The following HDDC2 variants were observed in gnomAD, a reference collection of about 807,000 sequenced individuals.
The protein encoded by HDDC2 is HD domain containing 2.
A neutral mutation model predicts 25.5 loss-of-function variants in HDDC2; 25 were observed. The ratio of observed to expected loss-of-function variants is 0.98; its 90% CI spans 0.72 to 1.37. The LOEUF (loss-of-function observed/expected upper bound fraction) is 1.37, where lower values mean the gene tolerates loss of function less well. Among genes scored for constraint, HDDC2 ranks in the 40% most tolerant of loss-of-function variants. HDDC2 has a pLI of 0.00. For missense variants in HDDC2, 264 were observed against 253.1 expected (o/e 1.04, Z -0.29); for synonymous variants, 106 against 89.7 (o/e 1.18, Z -1.03).
chr6:125,293,015 G>C, intron 3 of HDDC2, 106 bp from the exon 4 acceptor site: 1 of 878,406 alleles, frequency 1.1e-6, no homozygotes, highest in Non-Finnish European at 1.9e-6. Flanking sequence ...ACTCTCACAG[G>C]GGCAGCAGAG....
At chr6:125,299,072 A>C (rs756996451) in intron 2 of HDDC2, among the ~76,000 whole-genome samples, 1 of 152,112 alleles carries the variant, frequency 6.6e-6, no homozygotes, top group Non-Finnish European at 1.5e-5. Flanking sequence ...TAAATGGTTT[A>C]TCTCTGAAAT....
intron 3 of HDDC2, among the ~76,000 whole-genome samples, chr6:125,295,937 C>G (rs1049008784): frequency 3.9e-5 from 6 of 152,204 alleles, no homozygotes; most frequent in Admixed American, 3.9e-4. Flanking sequence ...AGGAATGAGG[C>G]CAGACTACAA....
rs1201084699 is a variant in HDDC2, at chr6:125,301,947, C to T, written c.-15G>A. On this transcript the variant is annotated 5_prime_UTR_variant, in exon 1 of 6. Transcript: ENST00000398153. ...ACCGAAGCCATGCGGCCACCGACCC[C>T]GGCTGGGCGGAGCAGGCCGCGGCGA... 2.6e-6 allele frequency: 4 copies of T among 1,544,356 alleles called. No homozygotes were observed. Among genetic ancestry groups the T allele is most frequent in the Non-Finnish European group, 3.5e-6 (4 of 1,146,582 alleles).
intron 4 of HDDC2, among the ~76,000 whole-genome samples, chr6:125,290,364 CAG>C (rs1207477807): frequency 6.6e-6 from 1 of 152,140 alleles, no homozygotes; most frequent in Non-Finnish European, 1.5e-5. Flanking sequence ...AGCTAGTAAA[CAG>C]GGGAGCCACT....
chr6:125,300,792 G>T, intron 1 of HDDC2, 133 bp from the exon 2 acceptor site: 2 of 790,542 alleles, frequency 2.5e-6, no homozygotes, highest in Non-Finnish European at 3.9e-6. Context: ...AAAATGTTTT[G>T]CTAAACTAGC....
chr6:125,279,641 ATT>A (rs1295836197), intron 4 of HDDC2, among the ~76,000 whole-genome samples: 1 of 152,210 alleles, frequency 6.6e-6, no homozygotes, highest in African/African-American at 2.4e-5. Context: ...GCCATAAACA[ATT>A]TGTCAATTTA....
At chr6:125,300,357 T>G in intron 2 of HDDC2, 181 bp downstream of exon 2, 1 of 661,562 alleles carries the variant, frequency 1.5e-6, no homozygotes, top group Non-Finnish European at 2.4e-6. Context: ...AACCCCAGAT[T>G]GCAGTTTACA....
At chr6:125,276,404 G>A in intron 5 of HDDC2, 161 bp from the exon 6 acceptor site, 1 of 606,756 alleles carries the variant, frequency 1.6e-6, no homozygotes. Context: ...GGAAGGGGCT[G>A]AAGGGGACCA....
At chr6:125,288,340 C>A (rs992755687) in intron 4 of HDDC2, among the ~76,000 whole-genome samples, 1 of 152,044 alleles carries the variant, frequency 6.6e-6, no homozygotes, top group Non-Finnish European at 1.5e-5. Flanking sequence ...AGCCCTGAGG[C>A]TCTGCAGAGC....
At chr6:125,280,038 T>C (rs6917597) in intron 4 of HDDC2, among the ~76,000 whole-genome samples, 32,884 of 152,062 alleles carry the variant, frequency 0.22, 4,327 homozygotes, top group African/African-American at 0.37. Flanking sequence ...AACTGGGGTA[T>C]CCGGTTCATC....
Position 125,298,711 on chromosome 6 carries a change from G to C in HDDC2, c.309+3C>G, listed in dbSNP as rs759719154. 1.2e-6 allele frequency: 2 copies of C among 1,610,512 alleles called. No individual in the cohort carries two copies. The highest frequency in any genetic ancestry group is 2.2e-5 in the South Asian group (2 of 90,990). On this transcript the variant is annotated splice_donor_region_variant and intron_variant, in intron 3 of 5. Transcript: ENST00000398153. ...TTTTGCACAGTCAATAGTCAACACTGACCTCTTCTCGCCTATGTTTTTCTT... is the reference window on the plus strand; with the variant it reads ...TTTTGCACAGTCAATAGTCAACACTCACCTCTTCTCGCCTATGTTTTTCTT...
chr6:125,277,288 G>C (rs768522136), intron 4 of HDDC2, 48 bp from the exon 5 acceptor site: 2 of 1,580,728 alleles, frequency 1.3e-6, no homozygotes, highest in South Asian at 2.3e-5. Context: ...TGCATAATAG[G>C]GTATCCTGGG....
At chr6:125,276,264 G>GA (rs765597064) in intron 5 of HDDC2, 21 bp from the exon 6 acceptor site, 9 of 1,544,088 alleles carry the variant, frequency 5.8e-6, no homozygotes, top group Non-Finnish European at 3.6e-6. Context: ...AAAGAACAGG[G>GA]AAAAATACAT....
chr6:125,276,295 A>G, intron 5 of HDDC2, 52 bp from the exon 6 acceptor site: 1 of 1,339,810 alleles, frequency 7.5e-7, no homozygotes, highest in Non-Finnish European at 1.1e-6. Flanking sequence ...ACAAGAGAGT[A>G]TATTCATTTC....
At chr6:125,276,976 T>G in intron 5 of HDDC2, 126 bp downstream of exon 5, 1 of 909,512 alleles carries the variant, frequency 1.1e-6, no homozygotes, top group Non-Finnish European at 1.7e-6. Flanking sequence ...TCCCTTTCTT[T>G]TTAGATGCTC....
chr6:125,295,385 T>C (rs1360378344), intron 3 of HDDC2, among the ~76,000 whole-genome samples: 1 of 152,174 alleles, frequency 6.6e-6, no homozygotes. Flanking sequence ...AAGAGTGTAG[T>C]AGTCAACTGA....
Position 125,301,967 on chromosome 6 carries a change from C to T in HDDC2, c.-35G>A, listed in dbSNP as rs1471762679. ...GACCCCGGCTGGGCGGAGCAGGCCG[C>T]GGCGAAGCTCCTCCCCGTCCTCCTC... On this transcript the variant is annotated 5_prime_UTR_variant, in exon 1 of 6. Coordinates refer to ENST00000398153, the MANE Select transcript of HDDC2 (RefSeq NM_016063.3). 2.0e-6 allele frequency: 3 copies of T among 1,505,336 alleles called. No individual in the cohort carries two copies. The highest frequency in any genetic ancestry group is 4.9e-5 in the East Asian group (2 of 40,430). The allele number at this position is 1,505,336 out of a possible 1,614,324, so 93.2% of individuals were successfully genotyped here.
At chr6:125,286,797 T>C (rs1798544368) in intron 4 of HDDC2, among the ~76,000 whole-genome samples, 1 of 152,160 alleles carries the variant, frequency 6.6e-6, no homozygotes, top group African/African-American at 2.4e-5. Flanking sequence ...TTACCCCCCT[T>C]TTCCTATGTG....
intron 2 of HDDC2, among the ~76,000 whole-genome samples, chr6:125,299,464 C>T (rs778369753): frequency 6.6e-5 from 10 of 152,142 alleles, no homozygotes; most frequent in Non-Finnish European, 1.3e-4. Flanking sequence ...TGATTATTAG[C>T]GGTTAAGGAA....
Sources: gnomAD v4.1 joint callset for allele counts (sites outside exome capture counted in the v4.1 genomes callset) on GRCh38, gnomAD v4.1.1 for gene constraint, MANE v1.5 for transcripts, NCBI Gene and HGNC (gene_info 2026-07-23, HGNC 2026-07-21) for gene names.